Variants in WDR33 observed in about 807,000 individuals in gnomAD.
WDR33 encodes pre-mRNA 3' end processing protein WDR33.
Under a neutral mutation model 164.9 loss-of-function variants are expected in WDR33, and 47 were observed. The observed-to-expected ratio is 0.29, with a 90% CI of 0.23 to 0.36. The LOEUF is 0.36. WDR33 is among the 10% of genes least tolerant of loss of function. The pLI is 1.00. For synonymous variants in WDR33, 505 were observed against 589.0 expected (o/e 0.86, Z 2.06); for missense variants, 1,137 against 1,754.1 (o/e 0.65, Z 6.28).
chr2:127,771,036 A>G, intron 1 of WDR33, 32 bp from the exon 2 acceptor site: 2 of 1,533,314 alleles, frequency 1.3e-6, no homozygotes, highest in Non-Finnish European at 1.8e-6. Flanking sequence ...TTCACTACAA[A>G]TATCAGCACT....
intron 7 of WDR33, among the ~76,000 whole-genome samples, chr2:127,732,107 C>T (rs966579550): frequency 3.5e-4 from 37 of 106,170 alleles, no homozygotes; most frequent in African/African-American, 1.3e-3. Context: ...ACAACATATA[C>T]AACACACACA....
At position 127,721,399 on chromosome 2, in the gene WDR33, C is replaced by G. The variant is rs1024093650; in HGVS notation, c.1671+437G>C. Among the ~76,000 whole-genome samples, 1 of 152,120 alleles carries G rather than the reference C, an allele frequency of 6.6e-6. No individual in the cohort carries two copies. Among genetic ancestry groups the G allele is most frequent in the Non-Finnish European group, 1.5e-5 (1 of 68,020 alleles). On this transcript the variant is annotated intron_variant, in intron 15 of 21. Transcript: ENST00000322313. This position sits in a 1 kb window ranked among gnomAD's most constrained non-coding sequence, Gnocchi z 4.9. The stretch of plus-strand genomic sequence containing the variant: ...CTGGGATTACAGGTGTAAGCCACCA[C>G]GCCTGACCCTAATTGGGTTTTAAAA...
chr2:127,736,817 T>C (rs771105506), intron 7 of WDR33: 13 of 985,402 alleles, frequency 1.3e-5, no homozygotes, highest in Middle Eastern at 5.2e-4. Context: ...GAAACTTACA[T>C]ATCAGGCTGC....
rs2105378570 is a variant in WDR33 at position 127,717,853 on chromosome 2, A to G, written c.2761-590T>C. 6.6e-6 allele frequency among the ~76,000 whole-genome samples: 1 copy of G among 152,342 alleles called. No individual in the cohort carries two copies. On this transcript the variant is annotated intron_variant, in intron 16 of 21. Coordinates refer to ENST00000322313, the MANE Select transcript of WDR33 (RefSeq NM_018383.5). This position sits in a 1 kb window ranked among gnomAD's most constrained non-coding sequence, Gnocchi z 5.6. ...CCTTGTGACTCTGACATGTTTATAA[A>G]TATTTCAGTTATAACACAGTAGCTA... is the stretch of plus-strand genomic sequence containing the variant.
chr2:127,778,323 G>A (rs1175171295), intron 1 of WDR33, among the ~76,000 whole-genome samples: 1 of 151,776 alleles, frequency 6.6e-6, no homozygotes, highest in Non-Finnish European at 1.5e-5. Context: ...TGTAATCCCA[G>A]CTACTCAGGG....
At chr2:127,745,768 C>G (rs561312546) in intron 7 of WDR33, among the ~76,000 whole-genome samples, 1 of 151,978 alleles carries the variant, frequency 6.6e-6, no homozygotes, top group African/African-American at 2.4e-5. Flanking sequence ...TAGAGTAACT[C>G]GGTATGTCTT....
rs887298954 is a variant in WDR33, at chr2:127,764,192, T to C, written c.626+636A>G. On this transcript the variant is annotated intron_variant, in intron 6 of 21. Coordinates refer to ENST00000322313, the MANE Select transcript of WDR33 (RefSeq NM_018383.5). The surrounding 1 kb of genome is among the most constrained non-coding windows in gnomAD (Gnocchi z 6.2). ...TGAAAATATTTTAAACTCCACTTAT[T>C]GTATACATTTGCATAAGTGATGTTA... The C allele has an allele frequency of 3.8e-6, 4 of 1,044,672 alleles. No homozygotes were observed. The East Asian group carries it at 3.1e-4, about 82-fold the overall frequency. 64.7% of individuals were successfully genotyped at this position (1,044,672 alleles called of 1,614,324 possible).
At chr2:127,742,583 A>G (rs1272815448) in intron 7 of WDR33, among the ~76,000 whole-genome samples, 1 of 151,538 alleles carries the variant, frequency 6.6e-6, no homozygotes, top group East Asian at 1.9e-4. Context: ...CAGACTGGGC[A>G]TGATTGAAAA....
chr2:127,779,225 T>C (rs1363699336), intron 1 of WDR33, among the ~76,000 whole-genome samples: 2 of 151,750 alleles, frequency 1.3e-5, no homozygotes, highest in Non-Finnish European at 2.9e-5. Context: ...CCTAGCACTT[T>C]GGGAGGCCAA....
intron 7 of WDR33, among the ~76,000 whole-genome samples, chr2:127,750,004 T>C (rs749694978): frequency 1.1e-4 from 16 of 151,980 alleles, no homozygotes; most frequent in African/African-American, 1.9e-4. Context: ...TATCAGCTTA[T>C]TTCTCATTGT....
intron 7 of WDR33, among the ~76,000 whole-genome samples, chr2:127,734,527 G>A (rs1002722645): frequency 2.0e-5 from 3 of 152,154 alleles, no homozygotes; most frequent in Non-Finnish European, 2.9e-5. Context: ...GGAAGTAAAC[G>A]ATTTCACTTA....
At chr2:127,785,521 T>C (rs1380061498) in intron 1 of WDR33, among the ~76,000 whole-genome samples, 1 of 152,220 alleles carries the variant, frequency 6.6e-6, no homozygotes, top group Non-Finnish European at 1.5e-5. Context: ...CTTTTTACTG[T>C]CTCCACAGTT....
At position 127,726,782 on chromosome 2, in the gene WDR33, C is replaced by G. The variant is rs758773084; in HGVS notation, c.725-5G>C. On this transcript the variant is annotated splice_polypyrimidine_tract_variant and splice_region_variant and intron_variant, in intron 7 of 21. Transcript: ENST00000322313. The surrounding 1 kb of genome is among the most constrained non-coding windows in gnomAD (Gnocchi z 4.8). Reference sequence around the variant, plus strand: ...ATTTCACATCAGCACCATGCCCTGTCGGAAACAAGTTAGGATTAAAACCTA... The same window carrying G: ...ATTTCACATCAGCACCATGCCCTGTGGGAAACAAGTTAGGATTAAAACCTA... 1.2e-6 allele frequency: 2 copies of G among 1,613,612 alleles called. No homozygotes were observed. Among genetic ancestry groups the G allele is most frequent in the South Asian group, 2.2e-5 (2 of 90,928 alleles).
intron 1 of WDR33, among the ~76,000 whole-genome samples, chr2:127,784,883 C>T (rs1688506655): frequency 1.3e-5 from 2 of 152,120 alleles, no homozygotes; most frequent in South Asian, 2.1e-4. Flanking sequence ...CTTAAAATAA[C>T]CATTGTTCTC....
rs760954667 is a variant in WDR33 at position 127,722,910 on chromosome 2, C to G, written c.1378+48G>C. 1.3e-6 allele frequency: 2 copies of G among 1,542,330 alleles called. No individual in the cohort carries two copies. The highest frequency in any genetic ancestry group is 1.8e-6 in the Non-Finnish European group (2 of 1,140,974). On this transcript the variant is annotated intron_variant, in intron 13 of 21. Transcript: ENST00000322313. This position sits in a 1 kb window ranked among gnomAD's most constrained non-coding sequence, Gnocchi z 5.1. ...ATATTTATCAGGAACATAAACGGGT[C>G]AAGAAAAAATTTGTAAAAATTAAAT...
At chr2:127,779,692 G>A (rs1301377234) in intron 1 of WDR33, among the ~76,000 whole-genome samples, 1 of 152,128 alleles carries the variant, frequency 6.6e-6, no homozygotes, top group Non-Finnish European at 1.5e-5. Flanking sequence ...ATCACCTAAT[G>A]TCTGCTGCCA....
At chr2:127,806,945 C>T (rs753201018) in intron 1 of WDR33, among the ~76,000 whole-genome samples, 1 of 152,078 alleles carries the variant, frequency 6.6e-6, no homozygotes, top group African/African-American at 2.4e-5. Flanking sequence ...GGTTAACAGT[C>T]GAATCCAAAC....
At chr2:127,711,897 C>T (rs113619490) in intron 18 of WDR33, among the ~76,000 whole-genome samples, 3,689 of 150,054 alleles carry the variant, frequency 0.025, 152 homozygotes, top group African/African-American at 0.085. Context: ...CTCAGCCTTC[C>T]GAGTAGCTGG....
intron 7 of WDR33, among the ~76,000 whole-genome samples, chr2:127,761,481 T>C (rs987675819): frequency 2.0e-5 from 3 of 152,234 alleles, no homozygotes; most frequent in African/African-American, 7.2e-5. Context: ...ATTACAGGCG[T>C]GAGCCACCGC....
Sources: allele counts gnomAD v4.1 joint callset (sites outside exome capture counted in the v4.1 genomes callset), GRCh38; gene constraint gnomAD v4.1.1; non-coding constraint Gnocchi (gnomAD v3.1); transcripts MANE v1.5; gene names NCBI Gene and HGNC (gene_info 2026-07-23, HGNC 2026-07-21).